Variants in FBXO3 observed in about 807,000 individuals in gnomAD.
The protein encoded by FBXO3 is F-box only protein 3.
FBXO3 carries 17 observed loss-of-function variants against 64.8 expected under a neutral mutation model. That is an observed-to-expected ratio of 0.26 (90% CI 0.18 to 0.39). FBXO3 has a LOEUF of 0.39. FBXO3 is among the 10% of genes least tolerant of loss of function. FBXO3 has a pLI of 1.00. For synonymous variants in FBXO3, 182 were observed against 201.6 expected, an observed-to-expected ratio of 0.90 and a Z score of 0.82; for missense variants, 420 against 589.9, an observed-to-expected ratio of 0.71 and a Z score of 2.98.
intron 3 of FBXO3, among the ~76,000 whole-genome samples, 174 bp from the exon 4 acceptor site, chr11:33,758,775 A>C (rs780147510): frequency 3.3e-5 from 5 of 152,200 alleles, no homozygotes; most frequent in Non-Finnish European, 5.9e-5. Flanking sequence ...TGAGAAAGCA[A>C]ATTTCTTAGT....
chr11:33,766,723 T>C (rs977989077), intron 3 of FBXO3, among the ~76,000 whole-genome samples: 9 of 152,170 alleles, frequency 5.9e-5, no homozygotes, highest in Non-Finnish European at 1.0e-4. Flanking sequence ...CTGCAACCTC[T>C]ATAACCTTGC....
intron 3 of FBXO3, among the ~76,000 whole-genome samples, chr11:33,768,243 T>C (rs187163736): frequency 1.0e-3 from 159 of 152,330 alleles, no homozygotes; most frequent in African/African-American, 3.7e-3. Flanking sequence ...ATCAAATTAA[T>C]GGAAATAGCT....
At chr11:33,753,577 G>A (rs1855017237) in intron 6 of FBXO3, 1 of 152,208 alleles carries the variant, frequency 6.6e-6, no homozygotes, top group South Asian at 2.1e-4. Flanking sequence ...GTCAGAGTGA[G>A]CTGAAACCTA....
At chr11:33,762,596 G>A (rs1001705556) in intron 3 of FBXO3, among the ~76,000 whole-genome samples, 6 of 151,826 alleles carry the variant, frequency 4.0e-5, no homozygotes, top group Non-Finnish European at 7.4e-5. Flanking sequence ...GAACTGCATG[G>A]TAATGAAAAT....
chr11:33,741,931 G>A lies in FBXO3; in HGVS notation c.1393C>T (p.Arg465Cys), dbSNP rs1300546629. 2.5e-6 allele frequency: 4 copies of A among 1,613,020 alleles called. No homozygotes were observed. The highest frequency in any genetic ancestry group is 1.7e-5 in the Admixed American group (1 of 59,908). ...TGCTAAAAAAGGCGTGAGCAGCGGC[G>A]TCTGCGAATGGGAACATCAAAGACT... is the stretch of plus-strand genomic sequence containing the variant. ...RRVFDVPIRRRRCSRLF is the reference protein window; with the variant it reads ...RRVFDVPIRRCRCSRLF Residue 465 changes from arginine to cysteine, a missense_variant, in exon 11 of 11, where the codon CGC becomes TGC. Physicochemically the swap from Arg to Cys is radical, Grantham distance 180 (BLOSUM62 -3). Around this residue, in one of 3 missense-constraint regions of FBXO3, gnomAD observed 57 missense variants for 55.4 expected, o/e 1.03. Coordinates refer to ENST00000265651, the MANE Select transcript of FBXO3 (RefSeq NM_012175.4).
chr11:33,759,107 G>A (rs940992549), intron 3 of FBXO3, among the ~76,000 whole-genome samples: 2 of 152,132 alleles, frequency 1.3e-5, no homozygotes, highest in Admixed American at 6.5e-5. Flanking sequence ...TTGAGAAGTG[G>A]GAAATAATGA....
chr11:33,772,237 A>G (rs943545142), intron 1 of FBXO3: 2 of 152,258 alleles, frequency 1.3e-5, no homozygotes, highest in African/African-American at 4.8e-5. Context: ...ACCCTTGACA[A>G]AATTGGGCTG....
rs201077074 is a variant in FBXO3 at position 33,755,743 on chromosome 11, G to A, written c.678+28C>T. On this transcript the variant is annotated intron_variant, in intron 5 of 10. Transcript: ENST00000265651. ...TACAACCATCAGAACACATCTTAAT[G>A]CCATATTTAAACACACGTTCTACTT... 8.2e-5 allele frequency: 126 copies of A among 1,535,386 alleles called. 1 individual carries two copies. The Middle Eastern group carries it at 1.6e-3, about 19-fold the overall frequency.
In FBXO3 at chr11:33,754,492, C is replaced by T. The variant is rs1350354745; in HGVS notation, c.687G>A (p.Met229Ile). Residue 229 changes from methionine (M) to isoleucine (I), a missense_variant, in exon 6 of 11, where the codon ATG (methionine) becomes ATA (isoleucine). This residue lies in a region of FBXO3 where 337 missense variants were observed against 518.4 expected (regional missense o/e 0.65). Transcript: ENST00000265651. The stretch of plus-strand genomic sequence containing the variant: ...TGTCAATAGCAGCTGGATTTCGAGC[C>T]ATTTGGTCCTAGGTGAGAAAAAGAA... ...NEVFYQCPDQ[M>I]ARNPAAIDMF... 1 of 1,580,996 alleles carries T rather than the reference C, an allele frequency of 6.3e-7. No individual in the cohort carries two copies.
Position 33,742,085 on chromosome 11 carries a change from C to T in FBXO3, c.1240-1G>A. ...CTTCATATTCATCAGGACCCATTTC[C>T]TTGAAAGAGAAAACAATCTTTTGAT... On this transcript the variant is annotated splice_acceptor_variant, in intron 10 of 10. Transcript: ENST00000265651. LOFTEE classifies it high-confidence loss of function. 1 of 1,560,388 alleles carries T rather than the reference C, an allele frequency of 6.4e-7. No homozygotes were observed. The highest frequency in any genetic ancestry group is 8.6e-7 in the Non-Finnish European group (1 of 1,156,476).
At chr11:33,762,261 A>G (rs1855261414) in intron 3 of FBXO3, among the ~76,000 whole-genome samples, 1 of 152,222 alleles carries the variant, frequency 6.6e-6, no homozygotes, top group Non-Finnish European at 1.5e-5. Flanking sequence ...CAATTCAGTA[A>G]GAGTGTAGAA....
At chr11:33,774,192 A>C in intron 1 of FBXO3, 1 of 540,878 alleles carries the variant, frequency 1.8e-6, no homozygotes, top group Non-Finnish European at 3.2e-6. Context: ...GGCCCAGGAC[A>C]GGAGGAAGAC....
Position 33,770,732 on chromosome 11 carries a change from A to G in FBXO3, c.194+9T>C. 6.2e-7 allele frequency: 1 copy of G among 1,606,614 alleles called. No homozygotes were observed. The highest frequency in any genetic ancestry group is 8.5e-7 in the Non-Finnish European group (1 of 1,174,402). ...AGTTTTCAGAAGTACATATTCCTCG[A>G]ATACTCACTCAGATATCAGCCAGTA... On this transcript the variant is annotated intron_variant, in intron 2 of 10. Transcript: ENST00000265651.
intron 8 of FBXO3, among the ~76,000 whole-genome samples, chr11:33,749,179 A>G (rs1854890410): frequency 6.6e-6 from 1 of 152,200 alleles, no homozygotes; most frequent in South Asian, 2.1e-4. Flanking sequence ...GGTGACAACA[A>G]TCTTTCGCTG....
intron 10 of FBXO3, 62 bp downstream of exon 10, chr11:33,747,068 T>G (rs1854830581): frequency 6.3e-7 from 1 of 1,582,232 alleles, no homozygotes. Context: ...TTTGCCTGGC[T>G]TATCTGCAGT....
At position 33,750,580 on chromosome 11, in the gene FBXO3, G is replaced by A; in HGVS notation, c.891C>T (p.Ser297=). Reference sequence around the variant, plus strand: ...AGAAATAGTGGGGTGGATGTACAGAGCTAAGTTCTGGCAGAAACGATGTGG... The same window carrying A: ...AGAAATAGTGGGGTGGATGTACAGAACTAAGTTCTGGCAGAAACGATGTGG... ...SVSTSFLPEL[S]SVHPPHYFFT... Residue 297 remains serine, a synonymous_variant, in exon 8 of 11, where the codon AGC becomes AGT. Transcript: ENST00000265651. The A allele has an allele frequency of 6.2e-7, 1 of 1,613,968 alleles. No individual in the cohort carries two copies. Among genetic ancestry groups the A allele is most frequent in the South Asian group, 1.1e-5 (1 of 91,076 alleles).
intron 8 of FBXO3, among the ~76,000 whole-genome samples, chr11:33,750,183 A>G (rs1312466240): frequency 6.6e-6 from 1 of 152,180 alleles, no homozygotes; most frequent in Non-Finnish European, 1.5e-5. Flanking sequence ...ATTGAATATA[A>G]ATAGGCCAGA....
At chr11:33,752,252 T>G (rs1434063493) in intron 6 of FBXO3, among the ~76,000 whole-genome samples, 1 of 152,212 alleles carries the variant, frequency 6.6e-6, no homozygotes, top group Non-Finnish European at 1.5e-5. Flanking sequence ...CATATATCTG[T>G]GATCTAATGA....
chr11:33,764,781 C>T (rs1281450983), intron 3 of FBXO3, among the ~76,000 whole-genome samples: 3 of 152,130 alleles, frequency 2.0e-5, no homozygotes, highest in African/African-American at 7.2e-5. Flanking sequence ...CAAGACCAGC[C>T]TGGCCAACAT....
Sources: allele counts gnomAD v4.1 joint callset (sites outside exome capture counted in the v4.1 genomes callset), GRCh38; gene constraint gnomAD v4.1.1; regional missense constraint gnomAD v4.1.1; transcripts MANE v1.5; gene names NCBI Gene and HGNC (gene_info 2026-07-23, HGNC 2026-07-21).